The following SSBP2 variants were observed in gnomAD, a reference collection of about 807,000 sequenced individuals.
SSBP2 encodes single-stranded DNA-binding protein 2.
Under a neutral mutation model 61.8 loss-of-function variants are expected in SSBP2, and 17 were observed. The ratio of observed to expected loss-of-function variants is 0.28; its 90% CI spans 0.19 to 0.41. The LOEUF (loss-of-function observed/expected upper bound fraction) is 0.41, where lower values mean the gene tolerates loss of function less well. SSBP2 is among the 10% of genes least tolerant of loss of function. The probability of loss-of-function intolerance (pLI) is 1.00; values close to 1 mark genes in which losing one functional copy is unlikely to be tolerated. For synonymous variants in SSBP2, 139 were observed against 141.3 expected, an observed-to-expected ratio of 0.98 and a Z score of 0.12; for missense variants, 310 against 458.7, an observed-to-expected ratio of 0.68 and a Z score of 2.96.
intron 10 of SSBP2, among the ~76,000 whole-genome samples, chr5:81,457,921 C>T (rs990704688): frequency 6.6e-6 from 1 of 152,114 alleles, no homozygotes; most frequent in Non-Finnish European, 1.5e-5. Flanking sequence ...CTCGGCCTCC[C>T]AAAGTACAGG....
At chr5:81,575,923 G>C (rs888452482) in intron 4 of SSBP2, among the ~76,000 whole-genome samples, 2 of 152,098 alleles carry the variant, frequency 1.3e-5, no homozygotes, top group Middle Eastern at 3.2e-3. Flanking sequence ...GATAAAAGGA[G>C]AATTTACACA....
At chr5:81,594,535 A>G (rs1409030254) in intron 4 of SSBP2, among the ~76,000 whole-genome samples, 2 of 152,228 alleles carry the variant, frequency 1.3e-5, no homozygotes, top group Non-Finnish European at 2.9e-5. Context: ...TCAACAGAAT[A>G]TACATTCTTT....
At chr5:81,438,670 G>A (rs1403383680) in intron 14 of SSBP2, among the ~76,000 whole-genome samples, 3 of 152,126 alleles carry the variant, frequency 2.0e-5, no homozygotes, top group Non-Finnish European at 4.4e-5. Context: ...CCAAGCATAG[G>A]TAAAAATCTT....
chr5:81,698,129 A>T (rs1449339670), intron 1 of SSBP2, among the ~76,000 whole-genome samples: 3 of 152,244 alleles, frequency 2.0e-5, no homozygotes, highest in African/African-American at 7.2e-5. Context: ...TGAACTACAA[A>T]GAAAATACAC....
intron 15 of SSBP2, among the ~76,000 whole-genome samples, chr5:81,430,700 G>A (rs1762229126): frequency 6.9e-6 from 1 of 144,558 alleles, no homozygotes; most frequent in Non-Finnish European, 1.5e-5. Context: ...TCATAGCATG[G>A]TGGCTCAGCA....
In SSBP2 at chr5:81,414,087, T is replaced by C. The variant is rs1658656743; in HGVS notation, c.*6417A>G. On this transcript the variant is annotated 3_prime_UTR_variant, in exon 17 of 17. Transcript: ENST00000320672. ...TTTGTTATGATAATGGCACATCTCATTTTAAAAATGAAATGCTAAATATGT... is the reference window on the plus strand; with the variant it reads ...TTTGTTATGATAATGGCACATCTCACTTTAAAAATGAAATGCTAAATATGT... 6.6e-6 allele frequency: 1 copy of C among 152,164 alleles called. No homozygotes were observed. 9.4% of individuals were successfully genotyped at this position (152,164 alleles called of 1,614,324 possible).
At chr5:81,606,077 G>A (rs1452235217) in intron 4 of SSBP2, among the ~76,000 whole-genome samples, 1 of 152,106 alleles carries the variant, frequency 6.6e-6, no homozygotes, top group Admixed American at 6.5e-5. Flanking sequence ...CCAACTAGAT[G>A]CACAATTTTG....
intron 4 of SSBP2, among the ~76,000 whole-genome samples, chr5:81,589,504 T>C (rs768719477): frequency 1.3e-5 from 2 of 152,232 alleles, no homozygotes; most frequent in Non-Finnish European, 2.9e-5. Flanking sequence ...AAAATCACAA[T>C]TTGTATAGTT....
At chr5:81,727,269 G>T (rs1466775954) in intron 1 of SSBP2, among the ~76,000 whole-genome samples, 2 of 152,144 alleles carry the variant, frequency 1.3e-5, no homozygotes, top group Middle Eastern at 6.3e-3. Flanking sequence ...AAGAATATGG[G>T]CCAGGTGCAG....
At chr5:81,582,317 A>G (rs182307404) in intron 4 of SSBP2, among the ~76,000 whole-genome samples, 1 of 152,300 alleles carries the variant, frequency 6.6e-6, no homozygotes, top group East Asian at 1.9e-4. Context: ...ACAAAGGATG[A>G]CAGATTTCCA....
At chr5:81,672,677 T>G (rs1751669833) in intron 1 of SSBP2, among the ~76,000 whole-genome samples, 1 of 151,850 alleles carries the variant, frequency 6.6e-6, no homozygotes, top group Non-Finnish European at 1.5e-5. Flanking sequence ...GTACAAGTGA[T>G]TCTCCTGCCT....
At chr5:81,526,209 T>G (rs1297154999) in intron 4 of SSBP2, among the ~76,000 whole-genome samples, 1 of 152,064 alleles carries the variant, frequency 6.6e-6, no homozygotes, top group Non-Finnish European at 1.5e-5. Flanking sequence ...AAACTTAAAG[T>G]CAAAAAATTC....
At chr5:81,702,793 A>C (rs1197863784) in intron 1 of SSBP2, among the ~76,000 whole-genome samples, 1 of 152,214 alleles carries the variant, frequency 6.6e-6, no homozygotes, top group Non-Finnish European at 1.5e-5. Flanking sequence ...TGTCCCCCTG[A>C]AGAGCTACAT....
At position 81,413,411 on chromosome 5, in the gene SSBP2, A is replaced by G. The variant is rs1761206400; in HGVS notation, c.*7093T>C. ...TTACTAAGAGTCATCCCAGATTCCA[A>G]TTATATTTATACATAAATTGTGCAT... On this transcript the variant is annotated 3_prime_UTR_variant, in exon 17 of 17. Coordinates refer to ENST00000320672, the MANE Select transcript of SSBP2 (RefSeq NM_012446.5). The G allele has an allele frequency of 6.6e-6, 1 of 152,228 alleles. No homozygotes were observed. The allele number at this position is 152,228 out of a possible 1,614,324, so 9.4% of individuals were successfully genotyped here.
rs141827346 is a variant in SSBP2, at chr5:81,426,739, G to A, written c.1056+1846C>T. On this transcript the variant is annotated intron_variant, in intron 16 of 16. Transcript: ENST00000320672. ...TGAAGAGCTTTCTGATGCCAGTTCT[G>A]AATTGGTACCCCTCTTCCAACTGTT... is the stretch of plus-strand genomic sequence containing the variant. Among the ~76,000 whole-genome samples the A allele has an allele frequency of 3.0e-3, 453 of 152,300 alleles. 2 individuals are homozygous for A. Among genetic ancestry groups the A allele is most frequent in the African/African-American group, 0.011 (444 of 41,568 alleles).
chr5:81,480,428 T>G (rs10060828), intron 6 of SSBP2, among the ~76,000 whole-genome samples: 5,356 of 152,312 alleles, frequency 0.035, 130 homozygotes, highest in African/African-American at 0.069. Context: ...AAAAACACAA[T>G]GTATATACCT....
chr5:81,482,722 C>T (rs140077032), intron 6 of SSBP2, among the ~76,000 whole-genome samples: 7 of 152,302 alleles, frequency 4.6e-5, no homozygotes, highest in African/African-American at 1.7e-4. Context: ...AAACTTCCTT[C>T]TATCAGCAAT....
chr5:81,708,027 T>A (rs1754516213), intron 1 of SSBP2, among the ~76,000 whole-genome samples: 1 of 152,166 alleles, frequency 6.6e-6, no homozygotes, highest in African/African-American at 2.4e-5. Flanking sequence ...AAACACTAAA[T>A]TAAATACACA....
chr5:81,567,541 G>C (rs1773516917), intron 4 of SSBP2, among the ~76,000 whole-genome samples: 3 of 152,350 alleles, frequency 2.0e-5, no homozygotes, highest in African/African-American at 7.2e-5. Context: ...CACAGCAGAA[G>C]GGAAATGTGG....
Sources: gnomAD v4.1 joint callset for allele counts (sites outside exome capture counted in the v4.1 genomes callset) on GRCh38, gnomAD v4.1.1 for gene constraint, MANE v1.5 for transcripts, NCBI Gene and HGNC (gene_info 2026-07-23, HGNC 2026-07-21) for gene names.